SPACA6: variants seen among roughly 807,000 people sequenced by gnomAD.
The protein encoded by SPACA6 is sperm acrosome associated 6.
For missense variants in SPACA6, 8 were observed against 2.8 expected, an observed-to-expected ratio of 2.88 and a Z score of -1.34; for synonymous variants, 6 against 1.5, an observed-to-expected ratio of 4.05 and a Z score of -2.21.
chr19:51,701,614 G>A, intron 2 of SPACA6, 44 bp from the exon 3 acceptor site: 2 of 398,534 alleles, frequency 5.0e-6, no homozygotes, highest in South Asian at 2.5e-4. Context: ...AAGCCCTGGG[G>A]GAAGGGCTTT....
chr19:51,707,616 A>G (rs2083522115), downstream of SPACA6, among the ~76,000 whole-genome samples: 1 of 152,212 alleles, frequency 6.6e-6, no homozygotes, highest in South Asian at 2.1e-4. Context: ...ACTCTCCCGG[A>G]CACCAGTTGA....
upstream of SPACA6, among the ~76,000 whole-genome samples, chr19:51,691,690 G>T (rs887131168): frequency 6.6e-6 from 1 of 152,086 alleles, no homozygotes; most frequent in African/African-American, 2.4e-5. Flanking sequence ...GAGAGACCTG[G>T]ACTGCGAGAA....
intron 3 of SPACA6, 175 bp from the exon 4 acceptor site, chr19:51,702,454 T>TGGCCCC: frequency 2.5e-6 from 1 of 393,014 alleles, no homozygotes; most frequent in Non-Finnish European, 4.5e-6. Flanking sequence ...TGCTCAGGCT[T>TGGCCCC]GGCCCCGGCC....
At position 51,704,411 on chromosome 19, in the gene SPACA6, C is replaced by T. The variant is rs1035903879; in HGVS notation, c.872C>T (p.Thr291Met). The T allele has an allele frequency of 1.5e-5, 6 of 401,082 alleles. No individual in the cohort carries two copies. The highest frequency in any genetic ancestry group is 8.2e-5 in the African/African-American group (4 of 48,706). The allele number at this position is 401,082 out of a possible 1,614,324, so 24.8% of individuals were successfully genotyped here. The change falls in exon 8 of 9, where the codon ACG becomes ATG. Residue 291 changes from threonine (T) to methionine (M), a missense_variant. Coordinates refer to ENST00000637797, the MANE Select transcript of SPACA6 (RefSeq NM_001316972.2). ...GELLARPEALTPSNLFLLAVL... is the reference protein window; with the variant it reads ...GELLARPEALMPSNLFLLAVL... The stretch of plus-strand genomic sequence containing the variant: ...CTGCTGGCCAGGCCCGAGGCTCTGA[C>T]GCCCAGCAATCTGTTCCTGCTTGCA...
At position 51,704,990 on chromosome 19, in the gene SPACA6, G is replaced by A. The variant is rs116556224; in HGVS notation, c.942-100G>A. The stretch of plus-strand genomic sequence containing the variant: ...CCTCCTCCCTCAGAACCAGGAGTCC[G>A]GGCCCTGTACACCTTTTTGACCCTG... On this transcript the variant is annotated intron_variant, in intron 8 of 8. Coordinates refer to ENST00000637797, the MANE Select transcript of SPACA6 (RefSeq NM_001316972.2). The A allele has an allele frequency of 3.7e-3, 1,421 of 384,640 alleles. 17 individuals carry two copies. Among genetic ancestry groups the A allele is most frequent in the African/African-American group, 0.028 (1,222 of 43,624 alleles). 23.8% of individuals were successfully genotyped at this position (384,640 alleles called of 1,614,324 possible).
downstream of SPACA6, among the ~76,000 whole-genome samples, chr19:51,708,381 A>C (rs1279069621): frequency 2.0e-5 from 3 of 152,234 alleles, no homozygotes; most frequent in Non-Finnish European, 4.4e-5. Context: ...ATATGGTAAT[A>C]TGTGTGATGG....
rs1401799555 is a variant in SPACA6 at position 51,703,644 on chromosome 19, T to A, written c.573+307T>A. ...AGACCCCTCCTCTGCCAAAAAATTT[T>A]AAAAACAGCCGGGGCGTGGTGGTGC... is the stretch of plus-strand genomic sequence containing the variant. On this transcript the variant is annotated intron_variant, in intron 6 of 8. Transcript: ENST00000637797. The surrounding 1 kb of genome is among the most constrained non-coding windows in gnomAD (Gnocchi z 4.2). Among the ~76,000 whole-genome samples the A allele has an allele frequency of 6.6e-6, 1 of 151,888 alleles. No individual in the cohort carries two copies. The highest frequency in any genetic ancestry group is 1.5e-5 in the Non-Finnish European group (1 of 67,964).
rs112084740 is a variant in SPACA6, at chr19:51,703,194, G to C, written c.464-34G>C. 2.8e-3 allele frequency: 1,118 copies of C among 399,370 alleles called. 10 individuals carry two copies. Among genetic ancestry groups the C allele is most frequent in the African/African-American group, 0.021 (1,034 of 48,734 alleles). 24.7% of individuals were successfully genotyped at this position (399,370 alleles called of 1,614,324 possible). On this transcript the variant is annotated intron_variant, in intron 5 of 8. Coordinates refer to ENST00000637797, the MANE Select transcript of SPACA6 (RefSeq NM_001316972.2). This position sits in a 1 kb window ranked among gnomAD's most constrained non-coding sequence, Gnocchi z 4.2. Reference sequence around the variant, plus strand: ...GCTGGTGGCGAGGCCAGACGTGGTCGGGGCCCAGCGAGTGAACCCTGCTCC... The same window carrying C: ...GCTGGTGGCGAGGCCAGACGTGGTCCGGGCCCAGCGAGTGAACCCTGCTCC...
At chr19:51,685,514 C>G (rs2083324430), upstream of SPACA6, 1 of 152,050 alleles carries the variant, frequency 6.6e-6, no homozygotes, top group African/African-American at 2.4e-5. Context: ...TAATTTTATA[C>G]AATATTTTTG....
At chr19:51,699,581 C>G (rs2083454056) in intron 2 of SPACA6, among the ~76,000 whole-genome samples, 1 of 152,162 alleles carries the variant, frequency 6.6e-6, no homozygotes, top group Non-Finnish European at 1.5e-5. Flanking sequence ...TTGGTGTCAG[C>G]AGGGTTAGTT....
intron 2 of SPACA6, among the ~76,000 whole-genome samples, chr19:51,701,191 C>T (rs1249589237): frequency 1.3e-5 from 2 of 152,014 alleles, no homozygotes; most frequent in Non-Finnish European, 2.9e-5. Flanking sequence ...CACTGCACTC[C>T]AGCCTGGGTG....
In SPACA6 at chr19:51,693,390, C is replaced by G. The variant is rs889561711; in HGVS notation, c.-137C>G. On this transcript the variant is annotated 5_prime_UTR_variant, in exon 1 of 9. Transcript: ENST00000637797. ...GCCTGACTTCTGACCCCTGACTCCT[C>G]ATACCCTTCCTCCAGAGCATGACAT... The G allele has an allele frequency of 1.5e-6, 1 of 685,912 alleles. No individual in the cohort carries two copies. Among genetic ancestry groups the G allele is most frequent in the South Asian group, 1.5e-5 (1 of 64,734 alleles). The allele number at this position is 685,912 out of a possible 1,614,324, so 42.5% of individuals were successfully genotyped here.
chr19:51,703,162 G>A lies in SPACA6; in HGVS notation c.463+64G>A, dbSNP rs984991001. On this transcript the variant is annotated intron_variant, in intron 5 of 8. Coordinates refer to ENST00000637797, the MANE Select transcript of SPACA6 (RefSeq NM_001316972.2). This position sits in a 1 kb window ranked among gnomAD's most constrained non-coding sequence, Gnocchi z 4.2. ...GAGAAAAGGGACCAGAGCACCGAGG[G>A]GCATAAGCTGGTGGCGAGGCCAGAC... is the stretch of plus-strand genomic sequence containing the variant. 1.3e-5 allele frequency: 5 copies of A among 399,560 alleles called. No homozygotes were observed. Among genetic ancestry groups the A allele is most frequent in the Non-Finnish European group, 1.8e-5 (4 of 226,306 alleles). 24.8% of individuals were successfully genotyped at this position (399,560 alleles called of 1,614,324 possible). A position where few individuals can be genotyped will look rare whatever the true frequency, so the allele number is the denominator to read the frequency against.
chr19:51,700,512 A>G (rs993979287), intron 2 of SPACA6, among the ~76,000 whole-genome samples: 23 of 152,230 alleles, frequency 1.5e-4, no homozygotes, highest in Admixed American at 6.5e-4. Context: ...CAACTGGTTC[A>G]TTTTCTTTTA....
chr19:51,697,451 CAG>C (rs1019769520), intron 2 of SPACA6, among the ~76,000 whole-genome samples: 3 of 152,170 alleles, frequency 2.0e-5, no homozygotes, highest in Non-Finnish European at 2.9e-5. Flanking sequence ...TTGCCATACA[CAG>C]AGTCATTCAT....
rs865795301 is a variant in SPACA6, at chr19:51,704,199, G to A, written c.730+13G>A. The A allele has an allele frequency of 1.9e-4, 75 of 401,018 alleles. 1 individual carries two copies. Among genetic ancestry groups the A allele is most frequent in the African/African-American group, 1.4e-3 (70 of 48,802 alleles). The allele number at this position is 401,018 out of a possible 1,614,324, so 24.8% of individuals were successfully genotyped here. A position where few individuals can be genotyped will look rare whatever the true frequency, so the allele number is the denominator to read the frequency against. On this transcript the variant is annotated intron_variant, in intron 7 of 8. Transcript: ENST00000637797. ...TTCTTTCTTAACGGTGGGGCGGGGC[G>A]CGGCCGCGTGAGTGAGCGGGGTCGG...
chr19:51,712,785 G>A (rs1320708491), downstream of SPACA6, among the ~76,000 whole-genome samples: 2 of 152,094 alleles, frequency 1.3e-5, no homozygotes, highest in African/African-American at 4.8e-5. Flanking sequence ...GGGAGGGGAG[G>A]AGGTGCTGGA....
At chr19:51,711,680 A>G (rs1363536048) in intron 2 of SPACA6, among the ~76,000 whole-genome samples, 1 of 152,234 alleles carries the variant, frequency 6.6e-6, no homozygotes, top group Non-Finnish European at 1.5e-5. Flanking sequence ...AATGCAATAT[A>G]GCCATACTGT....
intron 2 of SPACA6, among the ~76,000 whole-genome samples, chr19:51,701,033 C>G (rs926912905): frequency 3.3e-5 from 5 of 152,006 alleles, no homozygotes; most frequent in South Asian, 4.2e-4. Context: ...ACCAGCCTGG[C>G]CAACATGGTG....
Sources: gnomAD v4.1 joint callset for allele counts (sites outside exome capture counted in the v4.1 genomes callset) on GRCh38, gnomAD v4.1.1 for gene constraint, Gnocchi (gnomAD v3.1) non-coding constraint, MANE v1.5 for transcripts, NCBI Gene and HGNC (gene_info 2026-07-23, HGNC 2026-07-21) for gene names.